Variants in SUPT3H observed in about 807,000 individuals in gnomAD.
SUPT3H encodes the protein transcription initiation protein SPT3 homolog.
In SUPT3H, 44 loss-of-function variants were observed where a neutral mutation model predicts 44.3. The observed-to-expected ratio is 0.99, with a 90% CI of 0.78 to 1.28. The LOEUF (loss-of-function observed/expected upper bound fraction) is 1.28. SUPT3H is among the 50% of genes most tolerant of loss of function. SUPT3H has a pLI of 0.00. For synonymous variants in SUPT3H, 124 were observed against 125.6 expected, an observed-to-expected ratio of 0.99 and a Z score of 0.09; for missense variants, 380 against 387.1, an observed-to-expected ratio of 0.98 and a Z score of 0.15.
downstream of SUPT3H, among the ~76,000 whole-genome samples, chr6:44,823,863 T>C (rs1200322903): frequency 6.6e-6 from 1 of 152,184 alleles, no homozygotes; most frequent in Non-Finnish European, 1.5e-5. Context: ...CTCGGGAGGC[T>C]GAGGCAGGAG....
At chr6:44,839,388 C>G (rs1333230299) in intron 10 of SUPT3H, among the ~76,000 whole-genome samples, 1 of 151,892 alleles carries the variant, frequency 6.6e-6, no homozygotes, top group African/African-American at 2.4e-5. Flanking sequence ...TCAATGAAGC[C>G]CCAATCTCCC....
Position 45,095,857 on chromosome 6 carries a change from G to A in SUPT3H, c.186+10065C>T, listed in dbSNP as rs1042791609. Among the ~76,000 whole-genome samples, 6 of 152,060 alleles carry A rather than the reference G, an allele frequency of 3.9e-5. No homozygotes were observed. The highest frequency in any genetic ancestry group is 5.9e-5 in the Non-Finnish European group (4 of 67,976). ...CTTCAAATGTGATTTAACTCAACCT[G>A]GAAAGTGAGGAGTAAGGAAGCTTAG... On this transcript the variant is annotated intron_variant, in intron 3 of 10. Coordinates refer to ENST00000371459, the MANE Select transcript of SUPT3H (RefSeq NM_003599.4). The surrounding 1 kb of genome is among the most constrained non-coding windows in gnomAD (Gnocchi z 4.1).
chr6:44,939,699 G>A (rs1297273179), intron 9 of SUPT3H, among the ~76,000 whole-genome samples: 4 of 151,778 alleles, frequency 2.6e-5, no homozygotes, highest in South Asian at 2.1e-4. Flanking sequence ...CTTTTTTGTT[G>A]GGAGATTTTT....
At chr6:45,087,083 A>T (rs1358040567) in intron 3 of SUPT3H, among the ~76,000 whole-genome samples, 1 of 151,982 alleles carries the variant, frequency 6.6e-6, no homozygotes, top group Non-Finnish European at 1.5e-5. Context: ...TAGAAGTTAC[A>T]AGTCTTTTGT....
chr6:45,335,610 C>CT (rs555421292), intron 2 of SUPT3H, among the ~76,000 whole-genome samples: 62 of 151,342 alleles, frequency 4.1e-4, no homozygotes, highest in African/African-American at 1.3e-3. Flanking sequence ...AGAAAGGAAA[C>CT]TTCTTTATGC....
At position 45,020,633 on chromosome 6, in the gene SUPT3H, C is replaced by G. The variant is rs1784992976; in HGVS notation, c.187-1G>C. 1 of 1,608,632 alleles carries G rather than the reference C, an allele frequency of 6.2e-7. No individual in the cohort carries two copies. The highest frequency in any genetic ancestry group is 8.5e-7 in the Non-Finnish European group (1 of 1,176,850). On this transcript the variant is annotated splice_acceptor_variant, in intron 3 of 10. Transcript: ENST00000371459. LOFTEE classifies it high-confidence loss of function. ...GAGAAACTTCAGCAGCTTGCTGTAA[C>G]TAACAATAATGAAAATTTAGAAATT...
At chr6:45,033,066 C>T (rs2153525488) in intron 3 of SUPT3H, among the ~76,000 whole-genome samples, 1 of 152,104 alleles carries the variant, frequency 6.6e-6, no homozygotes, top group South Asian at 2.1e-4. Context: ...ATTGTACTAA[C>T]TCACCAAAAC....
Position 45,328,365 on chromosome 6 carries a change from G to A in SUPT3H, c.101+36836C>T, listed in dbSNP as rs773115189. 106 of 1,381,708 alleles carry A rather than the reference G, an allele frequency of 7.7e-5. 1 individual carries two copies. In the South Asian group the frequency reaches 8.1e-4, roughly 11 times the overall value. The allele number at this position is 1,381,708 out of a possible 1,614,324, so 85.6% of individuals were successfully genotyped here. A position where few individuals can be genotyped will look rare whatever the true frequency, so the allele number is the denominator to read the frequency against. On this transcript the variant is annotated intron_variant, in intron 2 of 10. Transcript: ENST00000371459. ...CAAACAACCACAGAACCACAAGTGCGGTGCAAACTTTCTCCAGGAGGACAG... is the reference window on the plus strand; with the variant it reads ...CAAACAACCACAGAACCACAAGTGCAGTGCAAACTTTCTCCAGGAGGACAG...
intron 2 of SUPT3H, among the ~76,000 whole-genome samples, chr6:45,261,336 A>C (rs981635520): frequency 4.6e-5 from 7 of 152,146 alleles, no homozygotes; most frequent in Non-Finnish European, 7.4e-5. Flanking sequence ...AAATACCAGC[A>C]AACTGAATCC....
At chr6:45,088,924 C>T (rs1199619370) in intron 3 of SUPT3H, among the ~76,000 whole-genome samples, 1 of 151,900 alleles carries the variant, frequency 6.6e-6, no homozygotes, top group African/African-American at 2.4e-5. Flanking sequence ...GTAGTTGAAG[C>T]TAAAACAAAA....
At chr6:44,847,809 C>T (rs1467044788) in intron 10 of SUPT3H, among the ~76,000 whole-genome samples, 3 of 151,874 alleles carry the variant, frequency 2.0e-5, no homozygotes, top group Admixed American at 6.6e-5. Context: ...TTTTTAAATG[C>T]TCTGTCTTTT....
At chr6:45,259,712 T>C (rs956117835) in intron 2 of SUPT3H, among the ~76,000 whole-genome samples, 4 of 152,062 alleles carry the variant, frequency 2.6e-5, no homozygotes, top group Non-Finnish European at 4.4e-5. Context: ...AATCAAGCCA[T>C]GTAAAAACTA....
Position 44,961,920 on chromosome 6 carries a change from C to T in SUPT3H, c.505-92G>A. On this transcript the variant is annotated intron_variant, in intron 6 of 10. Coordinates refer to ENST00000371459, the MANE Select transcript of SUPT3H (RefSeq NM_003599.4). Reference sequence around the variant, plus strand: ...AACTTAGAATTGAAGTACCATTTTCCTTTCCTTATTCCAGGTGAACAGGGT... The same window carrying T: ...AACTTAGAATTGAAGTACCATTTTCTTTTCCTTATTCCAGGTGAACAGGGT... The T allele has an allele frequency of 2.4e-5, 23 of 962,002 alleles. 1 individual carries two copies. The South Asian group carries it at 3.5e-4, about 15-fold the overall frequency. 59.6% of individuals were successfully genotyped at this position (962,002 alleles called of 1,614,324 possible).
intron 6 of SUPT3H, among the ~76,000 whole-genome samples, chr6:44,965,212 T>C (rs1168097550): frequency 3.9e-5 from 6 of 152,146 alleles, no homozygotes; most frequent in Admixed American, 1.3e-4. Context: ...TATCTGATAG[T>C]GCAAGCACAT....
At chr6:45,230,686 A>ATATATATATTTTTTTTTT (rs796866510) in intron 2 of SUPT3H, among the ~76,000 whole-genome samples, 2 of 116,822 alleles carry the variant, frequency 1.7e-5, no homozygotes, top group East Asian at 2.3e-4. Context: ...ATATATATAT[A>ATATATATATTTTTTTTTT]TTTTTGAGAT....
At chr6:45,326,609 A>C (rs1299532783) in intron 2 of SUPT3H, among the ~76,000 whole-genome samples, 1 of 151,936 alleles carries the variant, frequency 6.6e-6, no homozygotes, top group Non-Finnish European at 1.5e-5. Flanking sequence ...TATTCTGAAA[A>C]GGTTCTGGAC....
intron 2 of SUPT3H, chr6:45,197,856 T>A (rs1471287438): frequency 5.9e-6 from 1 of 169,514 alleles, no homozygotes; most frequent in Non-Finnish European, 1.4e-5. Flanking sequence ...GCCATATTAA[T>A]CACCAAAAAA....
intron 2 of SUPT3H, among the ~76,000 whole-genome samples, chr6:45,175,561 T>C (rs1176040083): frequency 6.6e-6 from 1 of 152,100 alleles, no homozygotes; most frequent in East Asian, 1.9e-4. Context: ...CCATATCAGC[T>C]CCTAAATGGA....
At chr6:45,083,811 C>G (rs1336644891) in intron 3 of SUPT3H, among the ~76,000 whole-genome samples, 1 of 152,212 alleles carries the variant, frequency 6.6e-6, no homozygotes, top group East Asian at 1.9e-4. Context: ...ACCATCTGAT[C>G]TTTGACAAAG....
Sources: gnomAD v4.1 joint callset for allele counts (sites outside exome capture counted in the v4.1 genomes callset) on GRCh38, gnomAD v4.1.1 for gene constraint, Gnocchi (gnomAD v3.1) non-coding constraint, MANE v1.5 for transcripts, NCBI Gene and HGNC (gene_info 2026-07-23, HGNC 2026-07-21) for gene names.